The following LRMDA variants were observed in gnomAD, a reference collection of about 807,000 sequenced individuals.
The protein encoded by LRMDA is leucine-rich melanocyte differentiation-associated protein.
LRMDA carries 18 observed loss-of-function variants against 29.8 expected under a neutral mutation model. That is an observed-to-expected ratio of 0.60 (90% CI 0.42 to 0.90). The LOEUF (loss-of-function observed/expected upper bound fraction) is 0.90, where lower values mean the gene tolerates loss of function less well. LRMDA is among the 40% of genes least tolerant of loss of function. The pLI, the probability that LRMDA is intolerant of heterozygous loss-of-function variation, is 0.00. For missense variants in LRMDA, 273 were observed against 273.9 expected (o/e 1.00, Z 0.02); for synonymous variants, 125 against 109.4 (o/e 1.14, Z -0.89).
intron 6 of LRMDA, among the ~76,000 whole-genome samples, chr10:76,460,152 G>C (rs532048274): frequency 5.3e-5 from 8 of 152,252 alleles, no homozygotes; most frequent in Non-Finnish European, 1.0e-4. Flanking sequence ...TTATATGTTG[G>C]TCAGTGGTTG....
intron 5 of LRMDA, among the ~76,000 whole-genome samples, chr10:76,244,407 A>G (rs1486407148): frequency 1.3e-5 from 2 of 152,170 alleles, no homozygotes; most frequent in Non-Finnish European, 2.9e-5. Flanking sequence ...CCCCTGAAGA[A>G]TGTTCCATTC....
chr10:75,488,657 A>C lies in LRMDA; in HGVS notation c.131+50163A>C, dbSNP rs554082057. ...CAGGCCCTAAGTAAGCAAGAGGCAG[A>C]GGTGAGGAGGGGAGTGTCTGTCACT... is the stretch of plus-strand genomic sequence containing the variant. On this transcript the variant is annotated intron_variant, in intron 2 of 6. Transcript: ENST00000611255. Among the ~76,000 whole-genome samples, 4 of 152,264 alleles carry C rather than the reference A, an allele frequency of 2.6e-5. No individual in the cohort carries two copies. The East Asian group carries it at 7.7e-4, about 29-fold the overall frequency.
At chr10:75,904,920 C>T (rs550450858) in intron 2 of LRMDA, among the ~76,000 whole-genome samples, 133 of 151,974 alleles carry the variant, frequency 8.8e-4, no homozygotes, top group Non-Finnish European at 1.6e-3. Flanking sequence ...AGCCTTATCT[C>T]TCCAGAGAGT....
intron 5 of LRMDA, among the ~76,000 whole-genome samples, chr10:76,069,277 T>C (rs1021576270): frequency 6.6e-6 from 1 of 152,224 alleles, no homozygotes; most frequent in African/African-American, 2.4e-5. Context: ...TTGGGGTCAC[T>C]GAAGGCTGGT....
At chr10:76,432,487 A>G (rs1842201331) in intron 6 of LRMDA, among the ~76,000 whole-genome samples, 1 of 152,206 alleles carries the variant, frequency 6.6e-6, no homozygotes, top group Non-Finnish European at 1.5e-5. Context: ...GCGGAATTCT[A>G]GCATTCCAAT....
At chr10:76,063,429 G>A (rs1329273604) in intron 5 of LRMDA, among the ~76,000 whole-genome samples, 2 of 152,140 alleles carry the variant, frequency 1.3e-5, no homozygotes, top group Non-Finnish European at 2.9e-5. Flanking sequence ...CAGCTTCTAA[G>A]TGGCGAGCGA....
At chr10:76,372,613 C>CAAAAATAAAATAAAATA (rs141100239) in intron 6 of LRMDA, among the ~76,000 whole-genome samples, 108,924 of 140,442 alleles carry the variant, frequency 0.78, 43,643 homozygotes, top group Non-Finnish European at 0.86. Context: ...GACTTCATCT[C>CAAAAATAAAATAAAATA]AAAAATAAAA....
intron 2 of LRMDA, among the ~76,000 whole-genome samples, chr10:75,497,742 A>G (rs1015020206): frequency 6.6e-6 from 1 of 151,856 alleles, no homozygotes; most frequent in Admixed American, 6.6e-5. Context: ...GGCTTCTTTC[A>G]TCAGCACAGT....
chr10:75,608,110 G>GTA (rs10605160), intron 2 of LRMDA, among the ~76,000 whole-genome samples: 1,727 of 101,386 alleles, frequency 0.017, 40 homozygotes, highest in East Asian at 0.036. Context: ...TGTAGTGTGT[G>GTA]TATATATATA....
At chr10:75,981,312 T>A (rs906821990) in intron 2 of LRMDA, among the ~76,000 whole-genome samples, 1 of 152,236 alleles carries the variant, frequency 6.6e-6, no homozygotes, top group African/African-American at 2.4e-5. Flanking sequence ...TTTATTGGGC[T>A]CTACTCTCTG....
At chr10:75,586,340 ACGT>A (rs1840654806) in intron 2 of LRMDA, among the ~76,000 whole-genome samples, 1 of 91,624 alleles carries the variant, frequency 1.1e-5, no homozygotes, top group East Asian at 4.1e-4. Flanking sequence ...CTTCACCAAC[ACGT>A]CTTTTTTTTT....
intron 2 of LRMDA, among the ~76,000 whole-genome samples, chr10:75,592,704 T>C (rs1269866186): frequency 6.6e-6 from 1 of 152,226 alleles, no homozygotes; most frequent in Admixed American, 6.5e-5. Context: ...TGTTCCTCAG[T>C]CTCGGTAAAA....
chr10:75,965,766 T>G (rs1202700654), intron 2 of LRMDA, among the ~76,000 whole-genome samples: 2 of 152,184 alleles, frequency 1.3e-5, no homozygotes, highest in African/African-American at 4.8e-5. Context: ...AGTCTTGGGC[T>G]TAGTGAAACA....
At chr10:75,479,201 G>A (rs1297394096) in intron 2 of LRMDA, among the ~76,000 whole-genome samples, 2 of 152,124 alleles carry the variant, frequency 1.3e-5, no homozygotes, top group Non-Finnish European at 2.9e-5. Context: ...GCTGCTCTGA[G>A]AACACCTGAA....
intron 6 of LRMDA, among the ~76,000 whole-genome samples, chr10:76,381,021 C>CT (rs538112084): frequency 0.033 from 3,231 of 96,758 alleles, 137 homozygotes; most frequent in African/African-American, 0.081. Flanking sequence ...TTTATCTTTG[C>CT]TTTTTTTTTT....
intron 2 of LRMDA, among the ~76,000 whole-genome samples, chr10:75,863,136 T>C (rs1844960747): frequency 6.6e-6 from 1 of 152,236 alleles, no homozygotes; most frequent in Non-Finnish European, 1.5e-5. Context: ...GAGATGAATG[T>C]TGGATTCCCT....
chr10:76,185,921 TGG>T, intron 5 of LRMDA, among the ~76,000 whole-genome samples: 1 of 152,226 alleles, frequency 6.6e-6, no homozygotes, highest in African/African-American at 2.4e-5. Context: ...TGTATTAAAG[TGG>T]GCCTTACTGT....
At chr10:75,491,872 T>G (rs540066951) in intron 2 of LRMDA, among the ~76,000 whole-genome samples, 2 of 152,276 alleles carry the variant, frequency 1.3e-5, no homozygotes, top group South Asian at 4.2e-4. Flanking sequence ...CGTGAGCAAA[T>G]GTAAGAGGCA....
At chr10:75,786,351 C>CT (rs1443000836) in intron 2 of LRMDA, among the ~76,000 whole-genome samples, 1 of 152,072 alleles carries the variant, frequency 6.6e-6, no homozygotes, top group Non-Finnish European at 1.5e-5. Flanking sequence ...ATCCAGGCAC[C>CT]TAAATGGTAT....
Sources: gnomAD v4.1 joint callset for allele counts (sites outside exome capture counted in the v4.1 genomes callset) on GRCh38, gnomAD v4.1.1 for gene constraint, MANE v1.5 for transcripts, NCBI Gene and HGNC (gene_info 2026-07-23, HGNC 2026-07-21) for gene names.